The following CNBD2 variants were observed in gnomAD, a reference collection of about 807,000 sequenced individuals.
CNBD2 encodes the protein cyclic nucleotide binding domain containing 2.
CNBD2 carries 64 observed loss-of-function variants against 63.7 expected under a neutral mutation model. The ratio of observed to expected loss-of-function variants is 1.00; its 90% CI spans 0.82 to 1.24. CNBD2 has a LOEUF of 1.24. Ranked by LOEUF, CNBD2 falls within the 50% of genes most tolerant of loss-of-function variation. The pLI is 0.00. For missense variants in CNBD2, 691 were observed against 713.5 expected (o/e 0.97, Z 0.36); for synonymous variants, 229 against 255.4 (o/e 0.90, Z 0.99).
At chr20:36,019,594 A>G (rs1318828845) in intron 10 of CNBD2, among the ~76,000 whole-genome samples, 1 of 151,536 alleles carries the variant, frequency 6.6e-6, no homozygotes, top group Non-Finnish European at 1.5e-5. Context: ...TGTTCAAGAC[A>G]GACAAGCAGC....
At chr20:35,981,151 C>T (rs540865341) in intron 4 of CNBD2, among the ~76,000 whole-genome samples, 1 of 152,302 alleles carries the variant, frequency 6.6e-6, no homozygotes, top group African/African-American at 2.4e-5. Context: ...GCAAAAGCGA[C>T]AGATGTCTGC....
upstream of CNBD2, chr20:35,954,680 C>G: frequency 8.4e-7 from 1 of 1,191,256 alleles, no homozygotes; most frequent in South Asian, 1.5e-5. Context: ...GAGGAGGAGT[C>G]GGAGGAGGAG....
intron 8 of CNBD2, among the ~76,000 whole-genome samples, chr20:36,003,137 G>T (rs2056938656): frequency 6.6e-6 from 1 of 151,528 alleles, no homozygotes; most frequent in Non-Finnish European, 1.5e-5. Flanking sequence ...GTTTGATTTG[G>T]GTCTTTTTAT....
chr20:36,030,483 A>C lies in CNBD2; in HGVS notation c.1566A>C (p.Arg522Ser). 1 of 1,613,092 alleles carries C rather than the reference A, an allele frequency of 6.2e-7. No individual in the cohort carries two copies. Among genetic ancestry groups the C allele is most frequent in the East Asian group, 2.2e-5 (1 of 44,824 alleles). Residue 522 changes from arginine (R) to serine (S), a missense_variant, in exon 12 of 12, where the codon AGA becomes AGC. Physicochemically the swap from Arg to Ser is moderately radical, Grantham distance 110. Coordinates refer to ENST00000373973, the MANE Select transcript of CNBD2 (RefSeq NM_001365709.1). ...QLFTPNRPKK[R>S]EIYNPKSVVL... ...TCACTCCAAACCGGCCCAAGAAGAGAGAGATCTACAACCCTAAGTCTGTGG... is the reference window on the plus strand; with the variant it reads ...TCACTCCAAACCGGCCCAAGAAGAGCGAGATCTACAACCCTAAGTCTGTGG...
chr20:35,996,011 C>A (rs922915865), intron 8 of CNBD2, among the ~76,000 whole-genome samples: 2 of 152,172 alleles, frequency 1.3e-5, no homozygotes, highest in Non-Finnish European at 2.9e-5. Context: ...GGAGAGGGAG[C>A]ACTTCTGTCT....
chr20:35,979,995 A>C (rs2056574536), intron 3 of CNBD2, among the ~76,000 whole-genome samples: 1 of 152,142 alleles, frequency 6.6e-6, no homozygotes, highest in Non-Finnish European at 1.5e-5. Flanking sequence ...GGAGAAGAAA[A>C]GCTTTAGCTA....
chr20:35,954,406 G>A, upstream of CNBD2: 3 of 1,556,082 alleles, frequency 1.9e-6, no homozygotes, highest in Non-Finnish European at 2.6e-6. Flanking sequence ...TCACCCTTGA[G>A]GGAGTCGGAC....
At chr20:35,954,690 GCCTGAATGTTTGGAGATAGACTTCAAGTC>G in exon 1 of CNBD2, 1 of 1,150,266 alleles carries the variant, frequency 8.7e-7, no homozygotes. Flanking sequence ...CGGAGGAGGA[GCCTGAATGTTTGGAGATAGACTTCAAGTC>G]CCGGACCTTA....
intron 2 of CNBD2, among the ~76,000 whole-genome samples, chr20:35,961,702 G>T (rs2056310097): frequency 6.6e-6 from 1 of 152,148 alleles, no homozygotes; most frequent in Non-Finnish European, 1.5e-5. Context: ...TTGTGGGATT[G>T]TGTGTGGAGA....
exon 1 of CNBD2, chr20:35,954,708 A>C: frequency 9.8e-7 from 1 of 1,020,796 alleles, no homozygotes. Flanking sequence ...GTTTGGAGAT[A>C]GACTTCAAGT....
chr20:35,984,623 A>G lies in CNBD2; in HGVS notation c.565-4A>G. On this transcript the variant is annotated splice_polypyrimidine_tract_variant and splice_region_variant and intron_variant, in intron 5 of 11. Coordinates refer to ENST00000373973, the MANE Select transcript of CNBD2 (RefSeq NM_001365709.1). ...CACTTGCCCTTGCCCTGTCCACCCA[A>G]CAGGAAATGGACGTTCTGCATGCTT... The G allele has an allele frequency of 6.2e-7, 1 of 1,613,962 alleles. No individual in the cohort carries two copies. Among genetic ancestry groups the G allele is most frequent in the Non-Finnish European group, 8.5e-7 (1 of 1,179,924 alleles).
intron 10 of CNBD2, among the ~76,000 whole-genome samples, chr20:36,018,496 TG>T (rs1345408964): frequency 6.6e-6 from 1 of 152,140 alleles, no homozygotes; most frequent in Non-Finnish European, 1.5e-5. Flanking sequence ...GAGGTGCCTG[TG>T]GTAGGACTCT....
chr20:35,967,331 C>A (rs1324763056), upstream of CNBD2, among the ~76,000 whole-genome samples: 3 of 144,120 alleles, frequency 2.1e-5, no homozygotes, highest in Non-Finnish European at 3.0e-5. Context: ...CTGACTGCAA[C>A]CTCTGCCTCC....
intron 9 of CNBD2, among the ~76,000 whole-genome samples, chr20:36,010,444 C>CAAAAA (rs147122121): frequency 2.3e-4 from 21 of 92,876 alleles, no homozygotes; most frequent in East Asian, 6.2e-4. Context: ...AACTCTGTCT[C>CAAAAA]AAAAAAAAAA....
Position 35,984,121 on chromosome 20 carries a change from A to G in CNBD2, c.547A>G (p.Lys183Glu). 1 of 1,609,030 alleles carries G rather than the reference A, an allele frequency of 6.2e-7. No individual in the cohort carries two copies. The highest frequency in any genetic ancestry group is 8.5e-7 in the Non-Finnish European group (1 of 1,177,184). ...FLDPHPKLLH[K>E]GSCFGEMDVL... ...AGATCCCCACCCGAAATTGCTGCAC[A>G]AGGGTAGCTGTTTTGGGGTAAGCCC... Residue 183 changes from lysine (K) to glutamate (E), a missense_variant, in exon 5 of 12, where the codon AAG becomes GAG. Transcript: ENST00000373973.
chr20:36,000,276 A>C (rs558925589), intron 8 of CNBD2, among the ~76,000 whole-genome samples: 8 of 141,098 alleles, frequency 5.7e-5, no homozygotes, highest in African/African-American at 2.3e-4. Context: ...TACTTTAAAG[A>C]TGTTGCATTA....
chr20:35,972,949 A>G (rs2056443472), intron 2 of CNBD2, 183 bp downstream of exon 2: 2 of 631,030 alleles, frequency 3.2e-6, no homozygotes, highest in Non-Finnish European at 5.5e-6. Context: ...TCATCAACCA[A>G]GAGGTTTACC....
chr20:35,989,380 T>A (rs1396669511), intron 7 of CNBD2, among the ~76,000 whole-genome samples: 1 of 152,196 alleles, frequency 6.6e-6, no homozygotes, highest in Admixed American at 6.5e-5. Context: ...TCTCTCTTTA[T>A]AGATCTCCTC....
chr20:36,025,502 T>G (rs926349888), intron 11 of CNBD2, among the ~76,000 whole-genome samples: 1 of 152,156 alleles, frequency 6.6e-6, no homozygotes, highest in Non-Finnish European at 1.5e-5. Flanking sequence ...GCTCAGCTAA[T>G]TGAAAATTTT....
Sources: allele counts gnomAD v4.1 joint callset (sites outside exome capture counted in the v4.1 genomes callset), GRCh38; gene constraint gnomAD v4.1.1; transcripts MANE v1.5; gene names NCBI Gene and HGNC (gene_info 2026-07-23, HGNC 2026-07-21).